The following EFHC2 variants were observed in gnomAD, a reference collection of about 807,000 sequenced individuals.
EFHC2 encodes the protein EF-hand domain-containing family member C2.
In EFHC2, 18 loss-of-function variants were observed where a neutral mutation model predicts 52.7. The observed-to-expected ratio is 0.34, with a 90% CI of 0.24 to 0.51. EFHC2 has a LOEUF of 0.51. EFHC2 is among the 20% of genes least tolerant of loss of function. The pLI is 0.97. For synonymous variants in EFHC2, 203 were observed against 204.1 expected, an observed-to-expected ratio of 0.99 and a Z score of 0.04; for missense variants, 513 against 562.5, an observed-to-expected ratio of 0.91 and a Z score of 0.89.
intron 3 of EFHC2, among the ~76,000 whole-genome samples, chrX:44,263,422 C>G (rs1221459409): frequency 8.9e-6 from 1 of 112,071 alleles, no homozygotes; most frequent in East Asian, 2.8e-4. Context: ...CATCTTTTCA[C>G]TCTGTTGAGG....
At chrX:44,287,565 A>T (rs1376539818) in intron 2 of EFHC2, among the ~76,000 whole-genome samples, 1 of 112,687 alleles carries the variant, frequency 8.9e-6, no homozygotes, top group Non-Finnish European at 1.9e-5. Flanking sequence ...TCATGTTACT[A>T]GTAAAATCTT....
intron 11 of EFHC2, among the ~76,000 whole-genome samples, chrX:44,224,825 G>A (rs1218975555): frequency 8.9e-6 from 1 of 112,172 alleles, no homozygotes; most frequent in Non-Finnish European, 1.9e-5. Flanking sequence ...ATGGGGCCAG[G>A]TGTCATCTCT....
At chrX:44,283,296 G>C (rs1014127476) in intron 2 of EFHC2, among the ~76,000 whole-genome samples, 4 of 111,186 alleles carry the variant, frequency 3.6e-5, no homozygotes, top group Non-Finnish European at 5.7e-5. Flanking sequence ...CATTCTCCTG[G>C]CTCAGCCTCC....
chrX:44,189,888 G>A (rs2036906993), intron 11 of EFHC2, among the ~76,000 whole-genome samples: 1 of 111,055 alleles, frequency 9.0e-6, no homozygotes, highest in Admixed American at 9.6e-5. Context: ...TATTAACCTG[G>A]AGATGAGGTT....
intron 11 of EFHC2, among the ~76,000 whole-genome samples, chrX:44,180,737 C>CAAAT (rs1556000881): frequency 0.17 from 16,361 of 95,451 alleles, 1,414 homozygotes; most frequent in African/African-American, 0.26. Context: ...GACTCTGTCT[C>CAAAT]AAATAAATAA....
intron 12 of EFHC2, among the ~76,000 whole-genome samples, chrX:44,178,087 C>T (rs940956865): frequency 1.9e-5 from 2 of 106,859 alleles, no homozygotes; most frequent in South Asian, 4.3e-4. Context: ...GCCGAGGTTG[C>T]GCCACTGCAC....
chrX:44,234,160 G>A, intron 9 of EFHC2, among the ~76,000 whole-genome samples: 1 of 111,514 alleles, frequency 9.0e-6, no homozygotes, highest in Non-Finnish European at 1.9e-5. Context: ...AGAGGAGCTG[G>A]ACTAACACAA....
At chrX:44,210,295 A>T (rs915371928) in intron 11 of EFHC2, among the ~76,000 whole-genome samples, 8 of 112,196 alleles carry the variant, frequency 7.1e-5, no homozygotes, top group Non-Finnish European at 1.3e-4. Flanking sequence ...TCTCAATCAA[A>T]ATCCCAACAG....
chrX:44,310,134 T>C, intron 2 of EFHC2: 1 of 691,709 alleles, frequency 1.4e-6, no homozygotes, highest in Non-Finnish European at 2.4e-6. Flanking sequence ...GGATTCCCAG[T>C]GCCGAATGTC....
intron 12 of EFHC2, among the ~76,000 whole-genome samples, chrX:44,177,562 A>C: frequency 9.0e-6 from 1 of 111,558 alleles, no homozygotes; most frequent in Non-Finnish European, 1.9e-5. Flanking sequence ...CAAAAAAAAC[A>C]CATTAAGTTG....
intron 11 of EFHC2, among the ~76,000 whole-genome samples, chrX:44,189,078 T>A (rs2036899594): frequency 1.1e-5 from 1 of 93,908 alleles, no homozygotes; most frequent in Non-Finnish European, 2.0e-5. Context: ...TGAGATTGTG[T>A]CACTGCACTC....
At chrX:44,312,322 T>G (rs986271) in intron 2 of EFHC2, among the ~76,000 whole-genome samples, 1 of 111,472 alleles carries the variant, frequency 9.0e-6, no homozygotes, top group South Asian at 3.7e-4. Context: ...TGTATACATA[T>G]TTCAAAACAT....
At chrX:44,310,495 G>A (rs1193585508) in intron 2 of EFHC2, 2 of 505,367 alleles carry the variant, frequency 4.0e-6, no homozygotes, top group Non-Finnish European at 6.2e-6. Flanking sequence ...CGCGGCAAAG[G>A]AGAGTGAGGG....
intron 12 of EFHC2, among the ~76,000 whole-genome samples, chrX:44,177,236 T>C (rs886137099): frequency 8.9e-6 from 1 of 112,062 alleles, no homozygotes; most frequent in African/African-American, 3.2e-5. Context: ...TCTAGGAAGC[T>C]TGGGAAAGCT....
At chrX:44,226,790 T>C (rs2037235614) in intron 11 of EFHC2, among the ~76,000 whole-genome samples, 1 of 109,040 alleles carries the variant, frequency 9.2e-6, no homozygotes, top group Non-Finnish European at 1.9e-5. Context: ...AAATACGTAA[T>C]GTAGATGATG....
At chrX:44,283,532 CTT>C (rs3049061) in intron 2 of EFHC2, among the ~76,000 whole-genome samples, 90 of 88,496 alleles carry the variant, frequency 1.0e-3, no homozygotes, top group African/African-American at 2.5e-3. Flanking sequence ...ACGGAAGTAC[CTT>C]TTTTTTTTTT....
rs1015648999 is a variant in EFHC2 at position 44,248,480 on chromosome X, G to GA, written c.973-71dup. On this transcript the variant is annotated intron_variant, in intron 6 of 14. Transcript: ENST00000420999. ...AAAGAACCAGGAACCCCTTCCCAGA[G>GA]AAAAAAAGGAAATTAAAAATAAAAC... 2.9e-6 allele frequency: 3 copies of GA among 1,052,123 alleles called. No individual in the cohort carries two copies. The African/African-American group carries it at 5.9e-5, about 21-fold the overall frequency. 86.7% of individuals were successfully genotyped at this position (1,052,123 alleles called of 1,213,427 possible). A position where few individuals can be genotyped will look rare whatever the true frequency, so the allele number is the denominator to read the frequency against.
intron 7 of EFHC2, 21 bp downstream of exon 7, chrX:44,248,251 A>G: frequency 9.2e-7 from 1 of 1,086,319 alleles, no homozygotes; most frequent in Non-Finnish European, 1.2e-6. Flanking sequence ...AATATTTTTA[A>G]TTGACATATG....
chrX:44,321,973 G>A (rs1036765787), intron 1 of EFHC2, among the ~76,000 whole-genome samples: 2 of 112,038 alleles, frequency 1.8e-5, no homozygotes, highest in African/African-American at 6.5e-5. Context: ...GCCAGAGGCA[G>A]AACATTCTGT....
Sources: allele counts gnomAD v4.1 joint callset (sites outside exome capture counted in the v4.1 genomes callset), GRCh38; gene constraint gnomAD v4.1.1; transcripts MANE v1.5; gene names NCBI Gene and HGNC (gene_info 2026-07-23, HGNC 2026-07-21).